The following EXOC6B variants were observed in gnomAD, a reference collection of about 807,000 sequenced individuals.
The protein encoded by EXOC6B is exocyst complex component 6B.
Under a neutral mutation model 113.5 loss-of-function variants are expected in EXOC6B, and 54 were observed. The ratio of observed to expected loss-of-function variants is 0.48; its 90% CI spans 0.38 to 0.60. EXOC6B has a LOEUF of 0.60. Ranked by LOEUF, EXOC6B falls within the 20% of genes least tolerant of loss-of-function variation. The pLI, the probability that EXOC6B is intolerant of heterozygous loss-of-function variation, is 0.00. For missense variants in EXOC6B, 797 were observed against 977.5 expected (o/e 0.82, Z 2.46); for synonymous variants, 357 against 339.0 (o/e 1.05, Z -0.58).
chr2:72,313,354 C>A (rs1572898549), intron 20 of EXOC6B, among the ~76,000 whole-genome samples: 1 of 152,228 alleles, frequency 6.6e-6, no homozygotes, highest in African/African-American at 2.4e-5. Context: ...GCACATCCTG[C>A]ACATGTACCC....
chr2:72,273,201 GA>G (rs1453845625), intron 20 of EXOC6B, among the ~76,000 whole-genome samples: 1 of 152,114 alleles, frequency 6.6e-6, no homozygotes, highest in Admixed American at 6.6e-5. Context: ...CAAAAAGCAG[GA>G]CATATATCAA....
intron 17 of EXOC6B, among the ~76,000 whole-genome samples, chr2:72,469,793 T>C (rs1285236980): frequency 6.6e-6 from 1 of 152,060 alleles, no homozygotes; most frequent in Non-Finnish European, 1.5e-5. Flanking sequence ...TTCAACTATA[T>C]ATATACACTG....
intron 7 of EXOC6B, among the ~76,000 whole-genome samples, chr2:72,564,941 T>C (rs1211799430): frequency 6.6e-6 from 1 of 152,186 alleles, no homozygotes; most frequent in Non-Finnish European, 1.5e-5. Flanking sequence ...ATTACTCAAG[T>C]GTTTGCACTA....
At chr2:72,425,295 T>C (rs1695140997) in intron 18 of EXOC6B, among the ~76,000 whole-genome samples, 1 of 152,214 alleles carries the variant, frequency 6.6e-6, no homozygotes, top group Non-Finnish European at 1.5e-5. Context: ...GATGACTTTA[T>C]GTATTTAACA....
chr2:72,745,761 T>C (rs1681656246), intron 1 of EXOC6B, among the ~76,000 whole-genome samples: 1 of 152,178 alleles, frequency 6.6e-6, no homozygotes, highest in South Asian at 2.1e-4. Context: ...TGAATCAGCA[T>C]TTCAAGCACA....
chr2:72,729,412 A>ATTT (rs547305397), intron 5 of EXOC6B, among the ~76,000 whole-genome samples: 61 of 133,302 alleles, frequency 4.6e-4, no homozygotes, highest in African/African-American at 1.6e-3. Flanking sequence ...TACACAGGTG[A>ATTT]TTTTTTTTTT....
chr2:72,575,001 C>T (rs1219325143), intron 7 of EXOC6B, among the ~76,000 whole-genome samples: 2 of 152,176 alleles, frequency 1.3e-5, no homozygotes, highest in African/African-American at 2.4e-5. Context: ...ACCCTGTAAT[C>T]ACTCATATAT....
intron 20 of EXOC6B, among the ~76,000 whole-genome samples, chr2:72,204,369 C>T (rs1243384404): frequency 6.6e-6 from 1 of 152,108 alleles, no homozygotes. Flanking sequence ...CTAGTCTCTG[C>T]TTTCTGTTGC....
chr2:72,740,895 G>A, intron 2 of EXOC6B, among the ~76,000 whole-genome samples: 1 of 152,182 alleles, frequency 6.6e-6, no homozygotes, highest in Non-Finnish European at 1.5e-5. Context: ...GAGGTCAGGA[G>A]ATCGAGACCA....
At chr2:72,533,954 C>G (rs1702147952) in intron 8 of EXOC6B, among the ~76,000 whole-genome samples, 1 of 152,130 alleles carries the variant, frequency 6.6e-6, no homozygotes. Context: ...TTGCCAGTCA[C>G]TATCTCTGTG....
chr2:72,674,465 A>G (rs1256682459), intron 6 of EXOC6B, among the ~76,000 whole-genome samples: 2 of 152,238 alleles, frequency 1.3e-5, no homozygotes, highest in Non-Finnish European at 2.9e-5. Context: ...TTAACGTAAG[A>G]TGCATTTCTA....
rs1444757397 is a variant in EXOC6B at position 72,498,566 on chromosome 2, G to GA, written c.1240-16dup. 3 of 1,510,026 alleles carry GA rather than the reference G, an allele frequency of 2.0e-6. No individual in the cohort carries two copies. Among genetic ancestry groups the GA allele is most frequent in the Admixed American group, 1.9e-5 (1 of 52,544 alleles). 93.5% of individuals were successfully genotyped at this position (1,510,026 alleles called of 1,614,324 possible). ...AAACCATACACCTGAAACAAAATAA[G>GA]AAAATCACTTCAGTGTCTAAGGAAG... On this transcript the variant is annotated splice_polypyrimidine_tract_variant and intron_variant, in intron 12 of 21. Coordinates refer to ENST00000272427, the MANE Select transcript of EXOC6B (RefSeq NM_015189.3).
intron 1 of EXOC6B, among the ~76,000 whole-genome samples, chr2:72,779,498 T>C (rs1343300145): frequency 1.3e-5 from 2 of 152,072 alleles, no homozygotes; most frequent in Non-Finnish European, 2.9e-5. Flanking sequence ...GCTAAAATAA[T>C]AAGTTTATGA....
chr2:72,312,629 G>A lies in EXOC6B; in HGVS notation c.2196+22318C>T, dbSNP rs759958118. 2.4e-4 allele frequency among the ~76,000 whole-genome samples: 36 copies of A among 151,828 alleles called. 1 individual carries two copies. Among genetic ancestry groups the A allele is most frequent in the Non-Finnish European group, 5.0e-4 (34 of 67,898 alleles). On this transcript the variant is annotated intron_variant, in intron 20 of 21. Transcript: ENST00000272427. ...AAATTAGCCGGGTGTGGTGGTGGGCGCCTATAATCCCAGCTACTCGGAGGC... is the reference window on the plus strand; with the variant it reads ...AAATTAGCCGGGTGTGGTGGTGGGCACCTATAATCCCAGCTACTCGGAGGC...
In EXOC6B at chr2:72,221,521, T is replaced by G. The variant is rs989241980; in HGVS notation, c.2197-37334A>C. On this transcript the variant is annotated intron_variant, in intron 20 of 21. Transcript: ENST00000272427. ...CTCCAATCCCTTTCCCTTTTTCTGC[T>G]TTCTAATTCCTTCTACAGCACTTAT... is the stretch of plus-strand genomic sequence containing the variant. Among the ~76,000 whole-genome samples, 123 of 152,306 alleles carry G rather than the reference T, an allele frequency of 8.1e-4. 1 individual carries two copies. The highest frequency in any genetic ancestry group is 2.9e-3 in the African/African-American group (122 of 41,556).
chr2:72,555,253 T>A (rs1703474825), intron 8 of EXOC6B, among the ~76,000 whole-genome samples: 1 of 152,218 alleles, frequency 6.6e-6, no homozygotes, highest in Admixed American at 6.5e-5. Context: ...TGATTTATAA[T>A]CCTTTGGGTA....
intron 6 of EXOC6B, among the ~76,000 whole-genome samples, chr2:72,592,147 GA>G (rs1706007011): frequency 6.6e-6 from 1 of 152,030 alleles, no homozygotes; most frequent in African/African-American, 2.4e-5. Flanking sequence ...TATAAAAGCC[GA>G]CTGTTTAAAG....
chr2:72,503,209 A>G (rs1289971720), intron 11 of EXOC6B, among the ~76,000 whole-genome samples: 1 of 152,144 alleles, frequency 6.6e-6, no homozygotes, highest in Non-Finnish European at 1.5e-5. Flanking sequence ...ATTAAACAAA[A>G]CCCATAGTTT....
At chr2:72,189,019 A>G (rs1258318352) in intron 20 of EXOC6B, among the ~76,000 whole-genome samples, 1 of 152,216 alleles carries the variant, frequency 6.6e-6, no homozygotes, top group Non-Finnish European at 1.5e-5. Flanking sequence ...CCTAAGGATT[A>G]GGAATATTTT....
Sources: allele counts gnomAD v4.1 joint callset (sites outside exome capture counted in the v4.1 genomes callset), GRCh38; gene constraint gnomAD v4.1.1; transcripts MANE v1.5; gene names NCBI Gene and HGNC (gene_info 2026-07-23, HGNC 2026-07-21).